The following EPHA6 variants were observed in gnomAD, a reference collection of about 807,000 sequenced individuals.
EPHA6 encodes the protein EPH receptor A6, also known as ephrin type-A receptor 6.
EPHA6 carries 50 observed loss-of-function variants against 112.0 expected under a neutral mutation model. The ratio of observed to expected loss-of-function variants is 0.45; its 90% CI spans 0.36 to 0.56. The LOEUF is 0.56. EPHA6 is among the 20% of genes least tolerant of loss of function. The pLI is 0.00. For synonymous variants in EPHA6, 529 were observed against 490.7 expected, an observed-to-expected ratio of 1.08 and a Z score of -1.03; for missense variants, 1,280 against 1,417.4, an observed-to-expected ratio of 0.90 and a Z score of 1.56.
chr3:97,564,313 C>T (rs961861509), intron 11 of EPHA6, among the ~76,000 whole-genome samples: 2 of 152,020 alleles, frequency 1.3e-5, no homozygotes, highest in African/African-American at 4.8e-5. Context: ...GCTGGTAGAC[C>T]TTTTCATTGT....
Position 97,395,716 on chromosome 3 carries a change from A to G in EPHA6, c.1607-9434A>G, listed in dbSNP as rs1433457085. ...TATTTCCCTTAAAACACACCTACAC[A>G]CACACACATTCCTGTCCTAAAAGAG... On this transcript the variant is annotated intron_variant, in intron 5 of 17. Transcript: ENST00000389672. 4.6e-5 allele frequency among the ~76,000 whole-genome samples: 7 copies of G among 151,930 alleles called. No individual in the cohort carries two copies. In the East Asian group the frequency reaches 1.4e-3, roughly 29 times the overall value.
At chr3:97,454,563 AGCTATAACTGGCT>A (rs2090623097) in intron 7 of EPHA6, among the ~76,000 whole-genome samples, 1 of 151,874 alleles carries the variant, frequency 6.6e-6, no homozygotes, top group Non-Finnish European at 1.5e-5. Flanking sequence ...TTGGGTAACA[AGCTATAACTGGCT>A]TGAGTCATGT....
At chr3:97,133,759 A>G (rs2075697116) in intron 3 of EPHA6, among the ~76,000 whole-genome samples, 1 of 152,040 alleles carries the variant, frequency 6.6e-6, no homozygotes, top group Non-Finnish European at 1.5e-5. Flanking sequence ...TTAACAGTAC[A>G]AAATGATGAG....
chr3:97,109,057 T>G (rs1281274291), intron 3 of EPHA6, among the ~76,000 whole-genome samples: 1 of 152,148 alleles, frequency 6.6e-6, no homozygotes, highest in Non-Finnish European at 1.5e-5. Context: ...TGCAACAATC[T>G]TTTGATGTTA....
chr3:97,156,640 G>T (rs2076295701), intron 3 of EPHA6, among the ~76,000 whole-genome samples: 1 of 152,086 alleles, frequency 6.6e-6, no homozygotes, highest in Non-Finnish European at 1.5e-5. Flanking sequence ...ATAGTTTTTA[G>T]TTACTCTGGC....
At chr3:97,299,958 C>T (rs1020371099) in intron 5 of EPHA6, among the ~76,000 whole-genome samples, 1 of 152,104 alleles carries the variant, frequency 6.6e-6, no homozygotes, top group African/African-American at 2.4e-5. Context: ...TTATTTGCCA[C>T]CTGTTTCATT....
chr3:96,938,712 T>A (rs13085613), intron 2 of EPHA6, among the ~76,000 whole-genome samples: 1 of 151,620 alleles, frequency 6.6e-6, no homozygotes, highest in East Asian at 1.9e-4. Context: ...TGCTTCCAGT[T>A]TTTGCCCATT....
At chr3:97,053,222 G>A (rs2045742635) in intron 3 of EPHA6, among the ~76,000 whole-genome samples, 1 of 152,066 alleles carries the variant, frequency 6.6e-6, no homozygotes, top group African/African-American at 2.4e-5. Context: ...TAAACGACTA[G>A]GAGTATAGAG....
At chr3:96,965,931 G>A (rs2042108599) in intron 2 of EPHA6, among the ~76,000 whole-genome samples, 1 of 151,932 alleles carries the variant, frequency 6.6e-6, no homozygotes, top group Non-Finnish European at 1.5e-5. Flanking sequence ...CAATTTATTT[G>A]ATACTTACTT....
chr3:96,849,144 T>A (rs2035245617), intron 1 of EPHA6, among the ~76,000 whole-genome samples: 1 of 152,134 alleles, frequency 6.6e-6, no homozygotes, highest in South Asian at 2.1e-4. Context: ...CAAATAAAAA[T>A]GTCCATAGCC....
At chr3:96,934,343 A>G (rs1333102230) in intron 2 of EPHA6, among the ~76,000 whole-genome samples, 1 of 151,264 alleles carries the variant, frequency 6.6e-6, no homozygotes, top group East Asian at 1.9e-4. Context: ...TTTTTATTTT[A>G]TCTTATACCA....
intron 3 of EPHA6, among the ~76,000 whole-genome samples, chr3:97,201,079 CTA>C (rs2077567082): frequency 6.6e-6 from 1 of 152,108 alleles, no homozygotes; most frequent in Non-Finnish European, 1.5e-5. Context: ...TGAATTGTAT[CTA>C]TCTTTCAATA....
At position 96,951,034 on chromosome 3, in the gene EPHA6, G is replaced by T. The variant is rs372778306; in HGVS notation, c.451-36296G>T. ...TTACTTAGTTAAGAACTGATATTCA[G>T]CGTTGGCAGTGGAATTATGATAGTA... On this transcript the variant is annotated intron_variant, in intron 2 of 17. Coordinates refer to ENST00000389672, the MANE Select transcript of EPHA6 (RefSeq NM_001080448.3). Among the ~76,000 whole-genome samples the T allele has an allele frequency of 1.3e-4, 19 of 151,636 alleles. No homozygotes were observed. In the South Asian group the frequency reaches 2.7e-3, roughly 22 times the overall value.
intron 3 of EPHA6, among the ~76,000 whole-genome samples, chr3:97,184,176 A>G (rs1403793468): frequency 2.6e-5 from 4 of 152,116 alleles, no homozygotes; most frequent in Non-Finnish European, 5.9e-5. Context: ...GAGGTTATCA[A>G]GTTCTATTTT....
chr3:97,058,736 G>A (rs1488300095), intron 3 of EPHA6, among the ~76,000 whole-genome samples: 1 of 152,120 alleles, frequency 6.6e-6, no homozygotes, highest in Non-Finnish European at 1.5e-5. Flanking sequence ...CCTACAACTG[G>A]ACTTTGAAAA....
At chr3:96,978,945 T>A (rs2042640098) in intron 2 of EPHA6, among the ~76,000 whole-genome samples, 1 of 152,136 alleles carries the variant, frequency 6.6e-6, no homozygotes, top group Admixed American at 6.6e-5. Context: ...TTCTTCATAT[T>A]TGAGTTAAAG....
At chr3:97,188,221 G>T (rs762071385) in intron 3 of EPHA6, among the ~76,000 whole-genome samples, 3 of 152,124 alleles carry the variant, frequency 2.0e-5, no homozygotes, top group Non-Finnish European at 4.4e-5. Flanking sequence ...AAATGGATCA[G>T]CAAATTTTAG....
At chr3:97,068,154 CAAAAAAAAAAGAAAAAA>C (rs2046236641) in intron 3 of EPHA6, among the ~76,000 whole-genome samples, 2 of 61,004 alleles carry the variant, frequency 3.3e-5, no homozygotes, top group East Asian at 4.5e-4. Flanking sequence ...GACTCCATCT[CAAAAAAAAAAGAAAAAA>C]AAAAAAAAAA....
At chr3:97,190,898 G>C (rs186307576) in intron 3 of EPHA6, among the ~76,000 whole-genome samples, 2 of 152,156 alleles carry the variant, frequency 1.3e-5, no homozygotes, top group East Asian at 3.9e-4. Context: ...ATTTTCAAGT[G>C]TGTAATGTAT....
Sources: allele counts gnomAD v4.1 joint callset (sites outside exome capture counted in the v4.1 genomes callset), GRCh38; gene constraint gnomAD v4.1.1; transcripts MANE v1.5; gene names NCBI Gene and HGNC (gene_info 2026-07-23, HGNC 2026-07-21).